Variants in BMPER observed in about 807,000 individuals in gnomAD.
BMPER encodes BMP-binding endothelial regulator protein.
Under a neutral mutation model 87.3 loss-of-function variants are expected in BMPER, and 45 were observed. The ratio of observed to expected loss-of-function variants is 0.52; its 90% CI spans 0.41 to 0.66. BMPER has a LOEUF of 0.66. Among genes scored for constraint, BMPER ranks in the 30% least tolerant of loss-of-function variants. BMPER has a pLI of 0.00. For synonymous variants in BMPER, 326 were observed against 316.2 expected, an observed-to-expected ratio of 1.03 and a Z score of -0.33; for missense variants, 784 against 867.5, an observed-to-expected ratio of 0.90 and a Z score of 1.21.
intron 13 of BMPER, among the ~76,000 whole-genome samples, chr7:34,134,741 TA>T (rs1163159880): frequency 2.0e-5 from 3 of 152,198 alleles, no homozygotes; most frequent in African/African-American, 7.2e-5. Context: ...ATGAAGATTA[TA>T]CTCTTCACAT....
chr7:33,905,279 T>C (rs1241960271), upstream of BMPER: 1 of 408,188 alleles, frequency 2.4e-6, no homozygotes, highest in African/African-American at 2.1e-5. Context: ...TATCTCCGGC[T>C]GCCGCAACAC....
At chr7:34,048,286 C>G (rs1788043472) in intron 7 of BMPER, among the ~76,000 whole-genome samples, 1 of 152,096 alleles carries the variant, frequency 6.6e-6, no homozygotes, top group African/African-American at 2.4e-5. Context: ...GCTTCTTCTG[C>G]TAACTTCATC....
intron 6 of BMPER, among the ~76,000 whole-genome samples, chr7:34,032,026 A>AT (rs1562699978): frequency 8.9e-5 from 13 of 146,850 alleles, no homozygotes; most frequent in African/African-American, 2.2e-4. Context: ...TATATATATA[A>AT]AATAGTTAAC....
chr7:34,012,925 A>T (rs1288606863), intron 6 of BMPER, among the ~76,000 whole-genome samples: 1 of 151,996 alleles, frequency 6.6e-6, no homozygotes, highest in African/African-American at 2.4e-5. Context: ...ATTAAAAAAT[A>T]TAAAAACTTA....
intron 2 of BMPER, among the ~76,000 whole-genome samples, chr7:33,928,943 TCTTA>T (rs765187304): frequency 6.6e-6 from 1 of 151,814 alleles, no homozygotes; most frequent in Admixed American, 6.6e-5. Context: ...CCTCAGGGGG[TCTTA>T]CTTCTTTCCT....
At chr7:34,017,497 C>T (rs1440661219) in intron 6 of BMPER, among the ~76,000 whole-genome samples, 10 of 151,926 alleles carry the variant, frequency 6.6e-5, no homozygotes, top group Admixed American at 1.3e-4. Flanking sequence ...AGCATGGAAA[C>T]GACCCACCCT....
chr7:34,042,220 A>G (rs1296061691), intron 6 of BMPER, among the ~76,000 whole-genome samples: 2 of 152,334 alleles, frequency 1.3e-5, no homozygotes, highest in Non-Finnish European at 2.9e-5. Context: ...TTTAAAAAAT[A>G]GCTAATTTTT....
chr7:34,101,821 C>T (rs934774472), intron 13 of BMPER, among the ~76,000 whole-genome samples: 1 of 152,196 alleles, frequency 6.6e-6, no homozygotes, highest in African/African-American at 2.4e-5. Context: ...AGGCCCAGGA[C>T]CCCCTCAGGT....
intron 11 of BMPER, among the ~76,000 whole-genome samples, chr7:34,065,816 T>C (rs1322946637): frequency 6.6e-6 from 1 of 152,234 alleles, no homozygotes; most frequent in Non-Finnish European, 1.5e-5. Context: ...TCATCATATA[T>C]GTCCACTCTT....
intron 11 of BMPER, among the ~76,000 whole-genome samples, chr7:34,065,741 A>G (rs1031952060): frequency 6.6e-6 from 1 of 152,242 alleles, no homozygotes; most frequent in African/African-American, 2.4e-5. Context: ...CTAGGAAGCT[A>G]AAAATAAATT....
At chr7:34,055,363 T>C in intron 9 of BMPER, 60 bp downstream of exon 9, 1 of 1,605,472 alleles carries the variant, frequency 6.2e-7, no homozygotes, top group Non-Finnish European at 8.5e-7. Flanking sequence ...ATTAAAAAGC[T>C]CCAGACACTA....
intron 14 of BMPER, among the ~76,000 whole-genome samples, chr7:34,148,268 T>G (rs1221173781): frequency 6.6e-6 from 1 of 152,216 alleles, no homozygotes; most frequent in Non-Finnish European, 1.5e-5. Flanking sequence ...CACTTGATAC[T>G]TACACAGGAT....
At chr7:34,151,302 G>A (rs1169734121) in intron 14 of BMPER, among the ~76,000 whole-genome samples, 10 of 152,090 alleles carry the variant, frequency 6.6e-5, no homozygotes, top group Non-Finnish European at 1.3e-4. Context: ...TCTAATGCTC[G>A]CCAAGTGCCA....
intron 2 of BMPER, among the ~76,000 whole-genome samples, chr7:33,907,599 A>C (rs1180485067): frequency 6.6e-6 from 1 of 152,228 alleles, no homozygotes; most frequent in Non-Finnish European, 1.5e-5. Flanking sequence ...AAGTCTAATA[A>C]GTAACCACTT....
At chr7:34,005,902 T>G (rs1233272327) in intron 6 of BMPER, among the ~76,000 whole-genome samples, 1 of 152,056 alleles carries the variant, frequency 6.6e-6, no homozygotes, top group Non-Finnish European at 1.5e-5. Context: ...TGTTCTTAAA[T>G]TTTTTCCTAA....
At chr7:34,059,727 T>A (rs1161877304) in intron 10 of BMPER, among the ~76,000 whole-genome samples, 2 of 144,354 alleles carry the variant, frequency 1.4e-5, no homozygotes, top group Non-Finnish European at 3.0e-5. Context: ...TCCCCTACAT[T>A]GCCTGGGGAA....
intron 3 of BMPER, among the ~76,000 whole-genome samples, chr7:33,953,937 A>AG (rs1295762101): frequency 6.6e-6 from 1 of 152,130 alleles, no homozygotes; most frequent in Non-Finnish European, 1.5e-5. Context: ...ACTTAGCATA[A>AG]TGTCTTCAAG....
intron 8 of BMPER, 43 bp downstream of exon 8, chr7:34,052,013 T>C: frequency 6.5e-7 from 1 of 1,543,966 alleles, no homozygotes; most frequent in Non-Finnish European, 9.0e-7. Context: ...ATGATAGGGT[T>C]TGGGTTTCAG....
intron 6 of BMPER, among the ~76,000 whole-genome samples, chr7:34,043,859 C>T (rs996422173): frequency 6.6e-6 from 1 of 152,180 alleles, no homozygotes; most frequent in Non-Finnish European, 1.5e-5. Flanking sequence ...TCTGATAGTA[C>T]ATTTACAGTA....
Sources: gnomAD v4.1 joint callset for allele counts (sites outside exome capture counted in the v4.1 genomes callset) on GRCh38, gnomAD v4.1.1 for gene constraint, MANE v1.5 for transcripts, NCBI Gene and HGNC (gene_info 2026-07-23, HGNC 2026-07-21) for gene names.